PRICKLE2: variants seen among roughly 807,000 people sequenced by gnomAD.
PRICKLE2 encodes prickle planar cell polarity protein 2.
PRICKLE2 carries 21 observed loss-of-function variants against 81.4 expected under a neutral mutation model. The observed-to-expected ratio is 0.26, with a 90% CI of 0.18 to 0.37. The LOEUF is 0.37. PRICKLE2 is among the 10% of genes least tolerant of loss of function. The pLI, the probability that PRICKLE2 is intolerant of heterozygous loss-of-function variation, is 1.00. For synonymous variants in PRICKLE2, 456 were observed against 421.5 expected, an observed-to-expected ratio of 1.08 and a Z score of -1.00; for missense variants, 940 against 1,109.0, an observed-to-expected ratio of 0.85 and a Z score of 2.16.
chr3:64,111,887 A>G (rs1334386399), intron 7 of PRICKLE2, among the ~76,000 whole-genome samples: 6 of 152,180 alleles, frequency 3.9e-5, no homozygotes, highest in African/African-American at 1.2e-4. Context: ...TGATTTTTGC[A>G]TATTTCTATT....
At chr3:64,112,699 A>G (rs2076869165) in intron 7 of PRICKLE2, among the ~76,000 whole-genome samples, 1 of 152,248 alleles carries the variant, frequency 6.6e-6, no homozygotes, top group African/African-American at 2.4e-5. Flanking sequence ...ACAGCAAAAT[A>G]AACTACCAAC....
At chr3:64,232,887 A>G (rs2079126333) in intron 2 of PRICKLE2, among the ~76,000 whole-genome samples, 1 of 152,186 alleles carries the variant, frequency 6.6e-6, no homozygotes, top group Non-Finnish European at 1.5e-5. Context: ...CACCCCTGAC[A>G]TCTAATCCAG....
Position 64,199,013 on chromosome 3 carries a change from T to A in PRICKLE2, c.-40-46A>T, listed in dbSNP as rs766459722. On this transcript the variant is annotated intron_variant, in intron 1 of 7. Transcript: ENST00000638394. Reference sequence around the variant, plus strand: ...AGGTGAGAAAGAGGAAAAAACCTTTTTTTTTTTCCAAGAGCCTGCCAGTCA... The same window carrying A: ...AGGTGAGAAAGAGGAAAAAACCTTTATTTTTTTCCAAGAGCCTGCCAGTCA... 15 of 1,583,736 alleles carry A rather than the reference T, an allele frequency of 9.5e-6. No homozygotes were observed. In the Admixed American group the frequency reaches 2.6e-4, roughly 27 times the overall value.
intron 1 of PRICKLE2, among the ~76,000 whole-genome samples, chr3:64,220,173 G>A (rs2078929838): frequency 6.6e-6 from 1 of 152,180 alleles, no homozygotes; most frequent in African/African-American, 2.4e-5. Context: ...ACTTTCATGA[G>A]CAGGCATCTC....
At chr3:64,113,868 A>G (rs1260264212) in intron 7 of PRICKLE2, among the ~76,000 whole-genome samples, 1 of 152,048 alleles carries the variant, frequency 6.6e-6, no homozygotes, top group African/African-American at 2.4e-5. Flanking sequence ...ATCCAGTACA[A>G]CCACACACAT....
At chr3:64,199,022 C>T (rs1182104117) in intron 1 of PRICKLE2, 55 bp from the exon 2 acceptor site, 71 of 1,519,806 alleles carry the variant, frequency 4.7e-5, no homozygotes, top group Middle Eastern at 1.8e-4. Flanking sequence ...TTTTTTTTTC[C>T]AAGAGCCTGC....
At chr3:64,162,916 G>T in intron 3 of PRICKLE2, 100 bp downstream of exon 3, 1 of 840,822 alleles carries the variant, frequency 1.2e-6, no homozygotes, top group Non-Finnish European at 2.1e-6. Flanking sequence ...AATTGCCAGA[G>T]TTCTTCTTCG....
chr3:64,117,766 G>A (rs1215213743), intron 7 of PRICKLE2, among the ~76,000 whole-genome samples: 1 of 152,026 alleles, frequency 6.6e-6, no homozygotes, highest in African/African-American at 2.4e-5. Context: ...CATGAAAATG[G>A]CCATACTGCC....
intron 7 of PRICKLE2, among the ~76,000 whole-genome samples, chr3:64,124,361 GA>G (rs2077075221): frequency 6.6e-6 from 1 of 152,222 alleles, no homozygotes; most frequent in Non-Finnish European, 1.5e-5. Context: ...AGTGCTAATG[GA>G]AAAGCTGCAA....
intron 5 of PRICKLE2, 67 bp from the exon 6 acceptor site, chr3:64,153,435 G>T: frequency 6.7e-7 from 1 of 1,494,358 alleles, no homozygotes; most frequent in Non-Finnish European, 9.3e-7. Context: ...AAGGAAGAAA[G>T]CTATGGGGTC....
chr3:64,165,653 G>A lies in PRICKLE2; in HGVS notation c.145-2524C>T, dbSNP rs1052631230. 3.3e-5 allele frequency among the ~76,000 whole-genome samples: 5 copies of A among 152,036 alleles called. No individual in the cohort carries two copies. In the South Asian group the frequency reaches 6.2e-4, roughly 19 times the overall value. On this transcript the variant is annotated intron_variant, in intron 2 of 7. Transcript: ENST00000638394. The stretch of plus-strand genomic sequence containing the variant: ...CCTCAGAGTAGCAGGAACTACCAGC[G>A]CATGCCACCATGCCTGGCTAATTTT...
chr3:64,230,037 G>T (rs947027564), upstream of PRICKLE2, among the ~76,000 whole-genome samples: 1 of 152,194 alleles, frequency 6.6e-6, no homozygotes, highest in Non-Finnish European at 1.5e-5. Context: ...TTGTGCCTCT[G>T]TGATCTCAGT....
At chr3:64,223,018 T>C (rs928132598) in intron 1 of PRICKLE2, among the ~76,000 whole-genome samples, 5 of 152,208 alleles carry the variant, frequency 3.3e-5, no homozygotes, top group Non-Finnish European at 7.3e-5. Flanking sequence ...CTTTATTCTG[T>C]CAACTCAATC....
rs1373620664 is a variant in PRICKLE2 at position 64,198,915 on chromosome 3, T to C, written c.13A>G (p.Met5Val). 4 of 1,614,060 alleles carry C rather than the reference T, an allele frequency of 2.5e-6. No individual in the cohort carries two copies. The Admixed American group carries it at 6.7e-5, about 27-fold the overall frequency. Residue 5 changes from methionine to valine, a missense_variant, in exon 2 of 8, where the codon ATG (methionine) becomes GTG (valine). Transcript: ENST00000638394. Reference protein sequence around the residue: MVTVMPLEMEKTISK... With the variant: MVTVVPLEMEKTISK... ...ATGGTCTTCTCCATCTCCAGCGGCA[T>C]CACTGTCACCATGTGCTCCTCCTGG... is the stretch of plus-strand genomic sequence containing the variant.
chr3:64,183,032 G>T (rs1008631882), intron 2 of PRICKLE2, among the ~76,000 whole-genome samples: 1 of 152,050 alleles, frequency 6.6e-6, no homozygotes, highest in African/African-American at 2.4e-5. Context: ...TTATCAGTTT[G>T]GAATAATAGG....
rs1559583812 is a variant in PRICKLE2 at position 64,214,137 on chromosome 3, C to G, written c.-41+10773G>C. Among the ~76,000 whole-genome samples the G allele has an allele frequency of 3.3e-5, 5 of 152,220 alleles. No individual in the cohort carries two copies. In the South Asian group the frequency reaches 1.0e-3, roughly 32 times the overall value. On this transcript the variant is annotated intron_variant, in intron 1 of 7. Transcript: ENST00000638394. ...TCTGGTATGGACGTGAGCCAGCTGG[C>G]AGCGGAATCCCTCAGGGGCTTGGCT...
chr3:64,233,407 T>C (rs1575696482), intron 2 of PRICKLE2, among the ~76,000 whole-genome samples: 1 of 152,236 alleles, frequency 6.6e-6, no homozygotes, highest in Non-Finnish European at 1.5e-5. Context: ...CTAGGTCCTA[T>C]TGCTTCTCCG....
In PRICKLE2 at chr3:64,204,441, T is replaced by C. The variant is rs538744381; in HGVS notation, c.-40-5474A>G. 4.4e-4 allele frequency among the ~76,000 whole-genome samples: 67 copies of C among 152,260 alleles called. 3 individuals are homozygous for C. The South Asian group carries it at 0.014, about 31-fold the overall frequency. On this transcript the variant is annotated intron_variant, in intron 1 of 7. Coordinates refer to ENST00000638394, the MANE Select transcript of PRICKLE2 (RefSeq NM_198859.4). ...AAGCAACTGAACTATTCAGAGCAGT[T>C]GATCAACCCTAAATAGTGAGCAGAA... is the stretch of plus-strand genomic sequence containing the variant.
intron 2 of PRICKLE2, 146 bp downstream of exon 2, chr3:64,198,638 G>C (rs2078508375): frequency 2.4e-6 from 2 of 838,256 alleles, no homozygotes; most frequent in Non-Finnish European, 4.0e-6. Context: ...TTTTCCACTG[G>C]GGCCCCTGGC....
Sources: gnomAD v4.1 joint callset for allele counts (sites outside exome capture counted in the v4.1 genomes callset) on GRCh38, gnomAD v4.1.1 for gene constraint, MANE v1.5 for transcripts, NCBI Gene and HGNC (gene_info 2026-07-23, HGNC 2026-07-21) for gene names.